The following PDZRN4 variants were observed in gnomAD, a reference collection of about 807,000 sequenced individuals.
PDZRN4 encodes the protein PDZ domain-containing RING finger protein 4.
A neutral mutation model predicts 99.0 loss-of-function variants in PDZRN4; 70 were observed. The observed-to-expected ratio is 0.71, with a 90% CI of 0.58 to 0.86. The LOEUF (loss-of-function observed/expected upper bound fraction) is 0.86, where lower values mean the gene tolerates loss of function less well. Among genes scored for constraint, PDZRN4 ranks in the 40% least tolerant of loss-of-function variants. PDZRN4 has a pLI of 0.00. For missense variants in PDZRN4, 1,474 were observed against 1,331.2 expected (o/e 1.11, Z -1.67); for synonymous variants, 551 against 501.6 (o/e 1.10, Z -1.32).
At chr12:41,516,835 C>T (rs937445311) in intron 5 of PDZRN4, among the ~76,000 whole-genome samples, 10 of 151,298 alleles carry the variant, frequency 6.6e-5, no homozygotes, top group African/African-American at 2.4e-4. Context: ...TGCTTTTATA[C>T]TTATTGAACT....
intron 5 of PDZRN4, among the ~76,000 whole-genome samples, chr12:41,548,319 A>G (rs924375341): frequency 6.6e-6 from 1 of 152,192 alleles, no homozygotes; most frequent in East Asian, 1.9e-4. Context: ...TAAAGTTTTA[A>G]TATTTCTCAT....
At chr12:41,475,339 C>T (rs963047648) in intron 3 of PDZRN4, among the ~76,000 whole-genome samples, 1 of 152,084 alleles carries the variant, frequency 6.6e-6, no homozygotes, top group African/African-American at 2.4e-5. Flanking sequence ...CTAATAAAAT[C>T]TGAAATTTGC....
intron 3 of PDZRN4, among the ~76,000 whole-genome samples, chr12:41,267,263 C>T (rs1951284248): frequency 6.6e-6 from 1 of 152,100 alleles, no homozygotes; most frequent in Admixed American, 6.6e-5. Context: ...TAGTGTATTA[C>T]CCCTCCTGTG....
intron 3 of PDZRN4, among the ~76,000 whole-genome samples, chr12:41,329,245 A>G (rs1466228224): frequency 1.3e-5 from 2 of 152,220 alleles, no homozygotes; most frequent in East Asian, 1.9e-4. Flanking sequence ...TGTATTGCAC[A>G]CACCCATTCT....
chr12:41,468,919 G>GA (rs1424401809), intron 3 of PDZRN4, among the ~76,000 whole-genome samples: 2 of 151,606 alleles, frequency 1.3e-5, no homozygotes, highest in Non-Finnish European at 2.9e-5. Context: ...TGAGGCACAA[G>GA]AATCGCTTGA....
intron 3 of PDZRN4, among the ~76,000 whole-genome samples, chr12:41,331,837 C>A (rs1444104166): frequency 6.6e-6 from 1 of 152,052 alleles, no homozygotes; most frequent in Non-Finnish European, 1.5e-5. Flanking sequence ...GATTCAGTTA[C>A]CTCCCATCCA....
At chr12:41,269,132 C>T (rs1951297761) in intron 3 of PDZRN4, among the ~76,000 whole-genome samples, 1 of 152,106 alleles carries the variant, frequency 6.6e-6, no homozygotes, top group South Asian at 2.1e-4. Context: ...CTACAGCAAA[C>T]AGAATTGAGG....
chr12:41,194,576 G>T (rs79754729), intron 3 of PDZRN4, among the ~76,000 whole-genome samples: 2,616 of 152,320 alleles, frequency 0.017, 51 homozygotes, highest in African/African-American at 0.047. Flanking sequence ...AAACCCAGGA[G>T]GTCAAGGCTG....
intron 7 of PDZRN4, among the ~76,000 whole-genome samples, chr12:41,562,055 C>A (rs1939280173): frequency 6.6e-6 from 1 of 152,038 alleles, no homozygotes; most frequent in African/African-American, 2.4e-5. Flanking sequence ...GGAATCGTAG[C>A]TTCTGTTTCC....
At chr12:41,538,832 C>A (rs1459448765) in intron 5 of PDZRN4, among the ~76,000 whole-genome samples, 1 of 151,914 alleles carries the variant, frequency 6.6e-6, no homozygotes, top group East Asian at 1.9e-4. Flanking sequence ...CAGCTATGCA[C>A]CAGTCACTGG....
chr12:41,270,286 G>GGT (rs35708361), intron 3 of PDZRN4, among the ~76,000 whole-genome samples: 75,545 of 145,398 alleles, frequency 0.52, 21,037 homozygotes, highest in East Asian at 0.71. Context: ...CTGTGTGTGT[G>GGT]GTGTGTGTGT....
At chr12:41,500,482 T>C (rs190124006) in intron 3 of PDZRN4, among the ~76,000 whole-genome samples, 1 of 152,230 alleles carries the variant, frequency 6.6e-6, no homozygotes, top group East Asian at 1.9e-4. Flanking sequence ...AAATGGACTT[T>C]GGGGTTGATG....
At chr12:41,568,936 C>T (rs1303376103) in intron 9 of PDZRN4, among the ~76,000 whole-genome samples, 1 of 150,630 alleles carries the variant, frequency 6.6e-6, no homozygotes, top group Non-Finnish European at 1.5e-5. Flanking sequence ...TCCTGAGTAG[C>T]TGGGATTACA....
chr12:41,463,491 C>A (rs1250698455), intron 3 of PDZRN4, among the ~76,000 whole-genome samples: 1 of 151,730 alleles, frequency 6.6e-6, no homozygotes, highest in East Asian at 1.9e-4. Context: ...TCTTTTTTCC[C>A]TCTACAGTAT....
chr12:41,537,885 C>T (rs1357773787), intron 5 of PDZRN4, among the ~76,000 whole-genome samples: 1 of 152,072 alleles, frequency 6.6e-6, no homozygotes, highest in Non-Finnish European at 1.5e-5. Context: ...GTCACTAAGA[C>T]CAACCCGCTC....
At chr12:41,233,802 C>CG (rs1193123839) in intron 3 of PDZRN4, among the ~76,000 whole-genome samples, 37 of 149,958 alleles carry the variant, frequency 2.5e-4, no homozygotes, top group Non-Finnish European at 4.4e-4. Flanking sequence ...GTGGGGGGAG[C>CG]GGGGGGGAGA....
At chr12:41,310,356 G>A (rs1951598696) in intron 3 of PDZRN4, among the ~76,000 whole-genome samples, 1 of 151,952 alleles carries the variant, frequency 6.6e-6, no homozygotes, top group African/African-American at 2.4e-5. Context: ...AAAGTGATAG[G>A]TTTTACATGA....
intron 3 of PDZRN4, among the ~76,000 whole-genome samples, chr12:41,496,839 TG>T (rs1938013259): frequency 6.6e-6 from 1 of 152,168 alleles, no homozygotes; most frequent in South Asian, 2.1e-4. Context: ...TTTTAGGCCC[TG>T]AAACTACAGC....
intron 1 of PDZRN4, among the ~76,000 whole-genome samples, 195 bp from the exon 2 acceptor site, chr12:41,191,263 T>C (rs1950733676): frequency 6.6e-6 from 1 of 152,236 alleles, no homozygotes; most frequent in African/African-American, 2.4e-5. Flanking sequence ...CATGCACAGT[T>C]GTTCTTTTTC....
Sources: allele counts gnomAD v4.1 joint callset (sites outside exome capture counted in the v4.1 genomes callset), GRCh38; gene constraint gnomAD v4.1.1; transcripts MANE v1.5; gene names NCBI Gene and HGNC (gene_info 2026-07-23, HGNC 2026-07-21).